The following VPS54 variants were observed in gnomAD, a reference collection of about 807,000 sequenced individuals.
VPS54 encodes VPS54 subunit of GARP complex.
Under a neutral mutation model 121.5 loss-of-function variants are expected in VPS54, and 45 were observed. That is an observed-to-expected ratio of 0.37 (90% CI 0.29 to 0.47). The LOEUF (loss-of-function observed/expected upper bound fraction) is 0.47, where lower values mean the gene tolerates loss of function less well. VPS54 is among the 20% of genes least tolerant of loss of function. The pLI is 0.99. For missense variants in VPS54, 1,090 were observed against 1,131.4 expected, an observed-to-expected ratio of 0.96 and a Z score of 0.52; for synonymous variants, 371 against 385.8, an observed-to-expected ratio of 0.96 and a Z score of 0.45.
chr2:63,984,329 T>C (rs893558757), intron 1 of VPS54, among the ~76,000 whole-genome samples: 3 of 152,256 alleles, frequency 2.0e-5, no homozygotes, highest in Non-Finnish European at 4.4e-5. Flanking sequence ...ACAGTAGTTA[T>C]GCATTATAGC....
At chr2:63,925,205 C>G (rs186371099) in intron 12 of VPS54, among the ~76,000 whole-genome samples, 3 of 152,272 alleles carry the variant, frequency 2.0e-5, no homozygotes, top group Admixed American at 1.3e-4. Flanking sequence ...CAGATCAAGA[C>G]AAACCAACAG....
intron 14 of VPS54, 113 bp downstream of exon 14, chr2:63,920,333 A>T: frequency 2.9e-6 from 3 of 1,034,720 alleles, no homozygotes; most frequent in Non-Finnish European, 3.9e-6. Context: ...TTAATTAAAA[A>T]AACCTTTATC....
chr2:63,933,276 C>T (rs1254420199), intron 12 of VPS54, among the ~76,000 whole-genome samples: 1 of 144,378 alleles, frequency 6.9e-6, no homozygotes, highest in East Asian at 1.9e-4. Context: ...AACAGATCTT[C>T]ACAACATATA....
intron 1 of VPS54, among the ~76,000 whole-genome samples, chr2:63,996,472 T>A (rs1410093973): frequency 6.6e-6 from 1 of 152,072 alleles, no homozygotes; most frequent in Non-Finnish European, 1.5e-5. Context: ...GTTCGAACAA[T>A]ATGAAATCTG....
At position 63,921,201 on chromosome 2, in the gene VPS54, G is replaced by A. The variant is rs2104452420; in HGVS notation, c.1869+5C>T. On this transcript the variant is annotated splice_donor_5th_base_variant and intron_variant, in intron 13 of 22. Transcript: ENST00000272322. ...AAATATATAAAGCTTTATGAAAATA[G>A]CTACCTTTGCTCTTGACATGAGAAA... 3.7e-6 allele frequency: 6 copies of A among 1,601,430 alleles called. No individual in the cohort carries two copies. Among genetic ancestry groups the A allele is most frequent in the Non-Finnish European group, 5.1e-6 (6 of 1,174,298 alleles).
intron 1 of VPS54, among the ~76,000 whole-genome samples, chr2:63,986,287 T>A (rs565184190): frequency 6.6e-6 from 1 of 152,100 alleles, no homozygotes; most frequent in Non-Finnish European, 1.5e-5. Flanking sequence ...CCCCCACACT[T>A]ATCCTTCCAG....
intron 21 of VPS54, among the ~76,000 whole-genome samples, chr2:63,899,166 T>C (rs1672564573): frequency 6.6e-6 from 1 of 152,212 alleles, no homozygotes. Flanking sequence ...CAACTCTAAT[T>C]TTCCAAGAAC....
At chr2:63,910,251 TGTAATATGCCAGA>T (rs1424014304) in intron 20 of VPS54, among the ~76,000 whole-genome samples, 22 of 152,134 alleles carry the variant, frequency 1.4e-4, no homozygotes, top group Admixed American at 1.4e-3. Flanking sequence ...ACAGGAAGAA[TGTAATATGCCAGA>T]GTAATAGGAA....
At chr2:63,982,120 C>T (rs1308392009) in intron 2 of VPS54, among the ~76,000 whole-genome samples, 1 of 152,086 alleles carries the variant, frequency 6.6e-6, no homozygotes. Flanking sequence ...AATTTGAGAA[C>T]TACGATTGCA....
At chr2:63,958,030 AG>A (rs949781793) in intron 7 of VPS54, among the ~76,000 whole-genome samples, 5 of 152,190 alleles carry the variant, frequency 3.3e-5, no homozygotes, top group African/African-American at 1.2e-4. Context: ...GATTATAGAC[AG>A]GAAAAAAAAA....
In VPS54 at chr2:63,932,887, C is replaced by T. The variant is rs187792078; in HGVS notation, c.1739+786G>A. On this transcript the variant is annotated intron_variant, in intron 12 of 22. Transcript: ENST00000272322. ...TTAATAATTTATTGTATCAATGTTT[C>T]CTTGTATTTAATCAGTATACTAAGG... Among the ~76,000 whole-genome samples, 169 of 152,058 alleles carry T rather than the reference C, an allele frequency of 1.1e-3. 1 individual carries two copies. The highest frequency in any genetic ancestry group is 3.0e-3 in the Admixed American group (45 of 15,250).
At chr2:63,960,857 C>G (rs910574829) in intron 7 of VPS54, among the ~76,000 whole-genome samples, 4 of 152,136 alleles carry the variant, frequency 2.6e-5, no homozygotes, top group Non-Finnish European at 4.4e-5. Context: ...TTCAAAAAAA[C>G]ATGAATCACC....
chr2:63,938,994 A>G (rs10194235), intron 11 of VPS54, among the ~76,000 whole-genome samples: 220 of 152,360 alleles, frequency 1.4e-3, no homozygotes, highest in African/African-American at 4.8e-3. Flanking sequence ...GTTGTTAACA[A>G]TTACTCAAAT....
chr2:63,997,553 T>A (rs1315947742), intron 1 of VPS54, among the ~76,000 whole-genome samples: 1 of 152,156 alleles, frequency 6.6e-6, no homozygotes, highest in Non-Finnish European at 1.5e-5. Flanking sequence ...CATCTCCTTT[T>A]TTCATCTCTG....
intron 20 of VPS54, among the ~76,000 whole-genome samples, chr2:63,904,056 A>G (rs935694468): frequency 6.6e-6 from 1 of 152,162 alleles, no homozygotes; most frequent in South Asian, 2.1e-4. Context: ...TAAGAGAAAC[A>G]CTATAAAAAC....
At chr2:63,912,296 A>G in intron 20 of VPS54, 49 bp downstream of exon 20, 1 of 1,450,056 alleles carries the variant, frequency 6.9e-7, no homozygotes, top group Non-Finnish European at 9.4e-7. Context: ...ATAAAATAGA[A>G]AATCATAATG....
At chr2:63,966,015 C>T (rs1019860829) in intron 5 of VPS54, 49 bp from the exon 6 acceptor site, 4 of 1,556,094 alleles carry the variant, frequency 2.6e-6, no homozygotes, top group African/African-American at 2.8e-5. Flanking sequence ...TTTCTTTATA[C>T]CCATTATCTC....
chr2:63,965,141 G>A (rs544945053), intron 6 of VPS54, among the ~76,000 whole-genome samples: 7 of 152,164 alleles, frequency 4.6e-5, no homozygotes, highest in Admixed American at 6.5e-5. Context: ...CAGTACCTCG[G>A]AAAATATTGG....
At chr2:63,980,980 G>A (rs982066666) in intron 3 of VPS54, among the ~76,000 whole-genome samples, 4 of 152,022 alleles carry the variant, frequency 2.6e-5, no homozygotes, top group African/African-American at 9.7e-5. Flanking sequence ...TGTTAATACA[G>A]CCATATTCAA....
Sources: gnomAD v4.1 joint callset for allele counts (sites outside exome capture counted in the v4.1 genomes callset) on GRCh38, gnomAD v4.1.1 for gene constraint, MANE v1.5 for transcripts, NCBI Gene and HGNC (gene_info 2026-07-23, HGNC 2026-07-21) for gene names.